PTPRO: variants seen among roughly 807,000 people sequenced by gnomAD.
PTPRO encodes the protein protein tyrosine phosphatase receptor type O.
A neutral mutation model predicts 145.2 loss-of-function variants in PTPRO; 62 were observed. The observed-to-expected ratio is 0.43, with a 90% CI of 0.35 to 0.53. The LOEUF (loss-of-function observed/expected upper bound fraction) is 0.53, where lower values mean the gene tolerates loss of function less well. Among genes scored for constraint, PTPRO ranks in the 20% least tolerant of loss-of-function variants. The probability of loss-of-function intolerance (pLI) is 0.01; values close to 1 mark genes in which losing one functional copy is unlikely to be tolerated. For missense variants in PTPRO, 1,345 were observed against 1,482.7 expected (o/e 0.91, Z 1.53); for synonymous variants, 565 against 514.7 (o/e 1.10, Z -1.32).
Position 15,569,394 on chromosome 12 carries a change from A to G in PTPRO, c.2748-23A>G. ...TCAACAAGAATTTTAAAATGTATGT[A>G]TATTTCTTTGTGTTTGGCAAAGCCC... On this transcript the variant is annotated intron_variant, in intron 18 of 26. Coordinates refer to ENST00000281171, the MANE Select transcript of PTPRO (RefSeq NM_030667.3). 3.2e-6 allele frequency: 5 copies of G among 1,571,174 alleles called. 1 individual carries two copies. Among genetic ancestry groups the G allele is most frequent in the South Asian group, 2.2e-5 (2 of 90,134 alleles).
intron 1 of PTPRO, among the ~76,000 whole-genome samples, chr12:15,433,219 G>C (rs1940498608): frequency 6.9e-6 from 1 of 145,036 alleles, no homozygotes; most frequent in African/African-American, 2.5e-5. Flanking sequence ...CTGTCGCCCA[G>C]GCTGGAGTGC....
chr12:15,332,146 T>A (rs1184853675), intron 1 of PTPRO, among the ~76,000 whole-genome samples: 1 of 152,130 alleles, frequency 6.6e-6, no homozygotes, highest in African/African-American at 2.4e-5. Flanking sequence ...TTTGTATTTT[T>A]AGTAGAGACA....
At chr12:15,539,938 GT>G (rs557671249) in intron 12 of PTPRO, among the ~76,000 whole-genome samples, 31 of 146,266 alleles carry the variant, frequency 2.1e-4, no homozygotes, top group Non-Finnish European at 3.6e-4. Context: ...TTATTTCCTG[GT>G]TTTTTTTTTA....
chr12:15,398,682 C>G (rs889031804), intron 1 of PTPRO, among the ~76,000 whole-genome samples: 2 of 146,706 alleles, frequency 1.4e-5, no homozygotes, highest in South Asian at 4.5e-4. Flanking sequence ...TAATATTTTA[C>G]AGAAACTCTT....
intron 1 of PTPRO, among the ~76,000 whole-genome samples, chr12:15,458,185 C>G (rs1941222758): frequency 6.6e-6 from 1 of 152,158 alleles, no homozygotes; most frequent in African/African-American, 2.4e-5. Context: ...TCATCCTGCT[C>G]TCTAGTGACA....
intron 1 of PTPRO, among the ~76,000 whole-genome samples, chr12:15,399,176 A>G (rs1049253982): frequency 8.5e-5 from 13 of 152,248 alleles, no homozygotes; most frequent in African/African-American, 2.9e-4. Flanking sequence ...CATATTTCAC[A>G]GGGGTACTTT....
At chr12:15,583,710 C>G (rs1944371989) in intron 23 of PTPRO, among the ~76,000 whole-genome samples, 1 of 152,104 alleles carries the variant, frequency 6.6e-6, no homozygotes, top group Non-Finnish European at 1.5e-5. Context: ...TACTAACTGT[C>G]TCTTTGCAGA....
chr12:15,478,724 T>C (rs535483527), intron 1 of PTPRO, among the ~76,000 whole-genome samples: 7 of 151,986 alleles, frequency 4.6e-5, no homozygotes, highest in Admixed American at 3.9e-4. Flanking sequence ...CAGGCTGGAG[T>C]GCAGTGGCGC....
At chr12:15,450,798 A>G (rs1173857232) in intron 1 of PTPRO, among the ~76,000 whole-genome samples, 2 of 152,090 alleles carry the variant, frequency 1.3e-5, no homozygotes, top group East Asian at 3.9e-4. Context: ...TTAAATAAAA[A>G]AACTACCAAG....
intron 1 of PTPRO, among the ~76,000 whole-genome samples, chr12:15,436,857 C>T (rs960877336): frequency 2.0e-5 from 3 of 152,156 alleles, no homozygotes; most frequent in African/African-American, 7.2e-5. Context: ...ATTGTGCTCT[C>T]TCCCATCACA....
intron 3 of PTPRO, among the ~76,000 whole-genome samples, chr12:15,498,989 G>C (rs946240115): frequency 6.6e-6 from 1 of 152,086 alleles, no homozygotes; most frequent in African/African-American, 2.4e-5. Flanking sequence ...GGCAGGTTCT[G>C]TCTGCAAACT....
chr12:15,336,940 G>C (rs903010323), intron 1 of PTPRO, among the ~76,000 whole-genome samples: 15 of 152,214 alleles, frequency 9.9e-5, no homozygotes, highest in Non-Finnish European at 1.5e-5. Context: ...TGTGGGGACT[G>C]CACCTCGCTG....
At chr12:15,397,733 G>A (rs1939381671) in intron 1 of PTPRO, among the ~76,000 whole-genome samples, 1 of 152,164 alleles carries the variant, frequency 6.6e-6, no homozygotes, top group Admixed American at 6.6e-5. Context: ...AAAAGTTTCA[G>A]CCTTTGTGGA....
chr12:15,402,433 T>C (rs1939523222), intron 1 of PTPRO, among the ~76,000 whole-genome samples: 1 of 151,872 alleles, frequency 6.6e-6, no homozygotes, highest in South Asian at 2.1e-4. Flanking sequence ...CCTCAAGGTA[T>C]AAGATTTTTG....
At chr12:15,401,604 A>G (rs557406741) in intron 1 of PTPRO, among the ~76,000 whole-genome samples, 5 of 152,352 alleles carry the variant, frequency 3.3e-5, no homozygotes, top group African/African-American at 1.2e-4. Context: ...GCTATCCACA[A>G]CATATGGAGT....
At chr12:15,475,631 T>C (rs1301560662) in intron 1 of PTPRO, among the ~76,000 whole-genome samples, 5 of 151,902 alleles carry the variant, frequency 3.3e-5, no homozygotes, top group Non-Finnish European at 7.4e-5. Flanking sequence ...TGAAACACAC[T>C]TTGGCAAATT....
Position 15,519,427 on chromosome 12 carries a change from C to G in PTPRO, c.1780-774C>G, listed in dbSNP as rs182401398. ...TTTTGCTTTTAGGTTTTGGGATTCT[C>G]TTTTGTTTTGAGAGGGAGAGAAAGA... On this transcript the variant is annotated intron_variant, in intron 9 of 26. Coordinates refer to ENST00000281171, the MANE Select transcript of PTPRO (RefSeq NM_030667.3). Among the ~76,000 whole-genome samples the G allele has an allele frequency of 1.6e-4, 25 of 152,204 alleles. No homozygotes were observed. In the East Asian group the frequency reaches 4.6e-3, roughly 28 times the overall value.
At chr12:15,491,372 A>G (rs558875511) in intron 2 of PTPRO, among the ~76,000 whole-genome samples, 1 of 152,342 alleles carries the variant, frequency 6.6e-6, no homozygotes, top group South Asian at 2.1e-4. Flanking sequence ...TTAATAAGTA[A>G]TACATAGCTA....
chr12:15,446,135 T>C (rs886800256), intron 1 of PTPRO, among the ~76,000 whole-genome samples: 4 of 152,134 alleles, frequency 2.6e-5, no homozygotes, highest in African/African-American at 9.7e-5. Context: ...TGTTATTCTA[T>C]TGTTCAATTT....
Sources: allele counts gnomAD v4.1 joint callset (sites outside exome capture counted in the v4.1 genomes callset), GRCh38; gene constraint gnomAD v4.1.1; transcripts MANE v1.5; gene names NCBI Gene and HGNC (gene_info 2026-07-23, HGNC 2026-07-21).